Variants in NCAM2 observed in about 807,000 individuals in gnomAD.
NCAM2 encodes the protein neural cell adhesion molecule 2.
Under a neutral mutation model 98.1 loss-of-function variants are expected in NCAM2, and 30 were observed. That is an observed-to-expected ratio of 0.31 (90% CI 0.23 to 0.41). The LOEUF is 0.41. Among genes scored for constraint, NCAM2 ranks in the 10% least tolerant of loss-of-function variants. The probability of loss-of-function intolerance (pLI) is 1.00; values close to 1 mark genes in which losing one functional copy is unlikely to be tolerated. For synonymous variants in NCAM2, 368 were observed against 342.4 expected (o/e 1.07, Z -0.83); for missense variants, 867 against 1,005.8 (o/e 0.86, Z 1.87).
At chr21:21,348,421 T>A (rs2075246153) in intron 8 of NCAM2, among the ~76,000 whole-genome samples, 1 of 152,066 alleles carries the variant, frequency 6.6e-6, no homozygotes, top group African/African-American at 2.4e-5. Context: ...ATGAAAACTT[T>A]GTAAACACTG....
At chr21:21,007,333 C>A (rs1160843830) in intron 1 of NCAM2, among the ~76,000 whole-genome samples, 1 of 151,978 alleles carries the variant, frequency 6.6e-6, no homozygotes, top group Non-Finnish European at 1.5e-5. Flanking sequence ...CAGTCCAGAA[C>A]CTGAGAGAGG....
intron 9 of NCAM2, among the ~76,000 whole-genome samples, chr21:21,387,365 A>G (rs1037516547): frequency 1.3e-5 from 2 of 152,160 alleles, no homozygotes; most frequent in Non-Finnish European, 2.9e-5. Context: ...AATTTAACAT[A>G]GCAATTTAGG....
At chr21:21,431,040 C>G (rs1166721095) in intron 11 of NCAM2, among the ~76,000 whole-genome samples, 1 of 108,646 alleles carries the variant, frequency 9.2e-6, no homozygotes, top group Non-Finnish European at 1.8e-5. Context: ...AAACGAAACT[C>G]CGTCTCAAAA....
At chr21:21,431,227 CA>C (rs1396769181) in intron 11 of NCAM2, among the ~76,000 whole-genome samples, 1 of 149,896 alleles carries the variant, frequency 6.7e-6, no homozygotes, top group African/African-American at 2.5e-5. Context: ...GTGATAGGAA[CA>C]AAAGAGGAAG....
chr21:21,409,743 T>C (rs913033052), intron 9 of NCAM2, among the ~76,000 whole-genome samples: 3 of 152,216 alleles, frequency 2.0e-5, no homozygotes, highest in Non-Finnish European at 4.4e-5. Flanking sequence ...GAGTGTATGT[T>C]AATCCTATTA....
chr21:21,075,969 T>G (rs1040876109), intron 1 of NCAM2, among the ~76,000 whole-genome samples: 1 of 151,792 alleles, frequency 6.6e-6, no homozygotes, highest in African/African-American at 2.4e-5. Context: ...ATACAAAAAT[T>G]AGCCAGGCAT....
At chr21:21,020,253 C>G (rs1405341327) in intron 1 of NCAM2, among the ~76,000 whole-genome samples, 1 of 152,068 alleles carries the variant, frequency 6.6e-6, no homozygotes, top group Non-Finnish European at 1.5e-5. Context: ...CCAGGCTGGT[C>G]TCAAACTCCT....
chr21:21,414,473 G>GTT (rs35280147), intron 10 of NCAM2, among the ~76,000 whole-genome samples: 5,478 of 137,352 alleles, frequency 0.04, 265 homozygotes, highest in East Asian at 0.13. Flanking sequence ...TTTGTTGTGT[G>GTT]TTTTTTTTTT....
At position 21,279,766 on chromosome 21, in the gene NCAM2, G is replaced by A. The variant is rs183876962; in HGVS notation, c.56-812G>A. Among the ~76,000 whole-genome samples, 261 of 152,274 alleles carry A rather than the reference G, an allele frequency of 1.7e-3. 2 individuals are homozygous for A. The highest frequency in any genetic ancestry group is 1.9e-3 in the Non-Finnish European group (127 of 68,018). ...ATCAATAAATTCCCAGTGCAGGTTC[G>A]TACTCTAGTTTCAGATCTTCCTTGA... is the stretch of plus-strand genomic sequence containing the variant. On this transcript the variant is annotated intron_variant, in intron 1 of 17. Transcript: ENST00000400546.
chr21:21,117,853 A>G (rs78843629), intron 1 of NCAM2, among the ~76,000 whole-genome samples: 2,321 of 152,276 alleles, frequency 0.015, 67 homozygotes, highest in African/African-American at 0.052. Context: ...TTGGTCACCA[A>G]TTTAAACAAG....
intron 1 of NCAM2, among the ~76,000 whole-genome samples, chr21:21,070,664 T>G (rs1420459729): frequency 1.5e-4 from 23 of 152,144 alleles, no homozygotes; most frequent in Admixed American, 1.5e-3. Flanking sequence ...ATTGACTACT[T>G]TTAAATAGGG....
intron 15 of NCAM2, among the ~76,000 whole-genome samples, chr21:21,479,583 CAAA>C (rs1156588500): frequency 0.1 from 3,202 of 30,612 alleles, 47 homozygotes; most frequent in Non-Finnish European, 0.17. Context: ...GACTGCGTCT[CAAA>C]AAAAAAAAAA....
chr21:21,442,881 A>C (rs186835978), intron 12 of NCAM2, among the ~76,000 whole-genome samples: 1 of 152,304 alleles, frequency 6.6e-6, no homozygotes, highest in Admixed American at 6.5e-5. Context: ...AATATTTTTT[A>C]AGGGGAGATG....
At chr21:21,385,530 T>G in intron 9 of NCAM2, 1 of 629,030 alleles carries the variant, frequency 1.6e-6, no homozygotes, top group Non-Finnish European at 2.6e-6. Flanking sequence ...AAGCCGCATT[T>G]ACTGTAATAG....
chr21:21,375,221 C>CAAAAAAA (rs201564357), intron 9 of NCAM2, among the ~76,000 whole-genome samples: 1 of 134,522 alleles, frequency 7.4e-6, no homozygotes, highest in African/African-American at 2.7e-5. Context: ...AAAACAAAAA[C>CAAAAAAA]AAAAAAAAAA....
intron 1 of NCAM2, among the ~76,000 whole-genome samples, chr21:21,025,949 AG>A (rs1257094028): frequency 6.6e-6 from 1 of 152,202 alleles, no homozygotes; most frequent in Non-Finnish European, 1.5e-5. Context: ...TAGTGAGTTC[AG>A]GGAGGGTCAA....
intron 1 of NCAM2, among the ~76,000 whole-genome samples, chr21:21,204,248 G>A (rs1396823499): frequency 6.6e-6 from 1 of 151,900 alleles, no homozygotes; most frequent in Non-Finnish European, 1.5e-5. Context: ...TGCCATCTTG[G>A]CATAGCAATT....
chr21:21,159,207 T>C (rs2067705516), intron 1 of NCAM2, among the ~76,000 whole-genome samples: 1 of 152,200 alleles, frequency 6.6e-6, no homozygotes, highest in African/African-American at 2.4e-5. Context: ...AATATGTTTG[T>C]GTTGTAAGCT....
At chr21:21,066,996 A>G (rs1242032435) in intron 1 of NCAM2, among the ~76,000 whole-genome samples, 2 of 152,018 alleles carry the variant, frequency 1.3e-5, no homozygotes, top group Non-Finnish European at 2.9e-5. Flanking sequence ...TTGCTACTGG[A>G]AATCATTAAA....
Sources: gnomAD v4.1 joint callset for allele counts (sites outside exome capture counted in the v4.1 genomes callset) on GRCh38, gnomAD v4.1.1 for gene constraint, MANE v1.5 for transcripts, NCBI Gene and HGNC (gene_info 2026-07-23, HGNC 2026-07-21) for gene names.